The following DNMBP variants were observed in gnomAD, a reference collection of about 807,000 sequenced individuals.
DNMBP encodes the protein dynamin binding protein.
A neutral mutation model predicts 150.0 loss-of-function variants in DNMBP; 87 were observed. The ratio of observed to expected loss-of-function variants is 0.58; its 90% CI spans 0.49 to 0.69. DNMBP has a LOEUF of 0.69. Among genes scored for constraint, DNMBP ranks in the 30% least tolerant of loss-of-function variants. The pLI, the probability that DNMBP is intolerant of heterozygous loss-of-function variation, is 0.00. For missense variants in DNMBP, 1,774 were observed against 1,949.0 expected (o/e 0.91, Z 1.69); for synonymous variants, 711 against 750.4 (o/e 0.95, Z 0.86).
At chr10:100,004,202 G>T (rs1484741918) in intron 1 of DNMBP, among the ~76,000 whole-genome samples, 1 of 150,202 alleles carries the variant, frequency 6.7e-6, no homozygotes, top group Admixed American at 6.6e-5. Flanking sequence ...CCGTGATGGT[G>T]CCACTGCACT....
At chr10:99,952,657 C>G (rs1255626633) in intron 4 of DNMBP, among the ~76,000 whole-genome samples, 1 of 152,202 alleles carries the variant, frequency 6.6e-6, no homozygotes, top group Non-Finnish European at 1.5e-5. Flanking sequence ...CCTTAGAACT[C>G]TGCCCACATG....
chr10:99,886,179 C>G, intron 13 of DNMBP, 121 bp downstream of exon 13: 1 of 824,880 alleles, frequency 1.2e-6, no homozygotes, highest in Non-Finnish European at 1.9e-6. Context: ...GAGGGATGAA[C>G]TAGCGACACA....
intron 6 of DNMBP, among the ~76,000 whole-genome samples, chr10:99,903,939 T>C (rs756974206): frequency 1.3e-5 from 2 of 151,410 alleles, no homozygotes; most frequent in Non-Finnish European, 2.9e-5. Flanking sequence ...TTTTTTTCTG[T>C]AGAGACGGGG....
At chr10:99,935,216 GGGAGTT>G (rs1203467744) in intron 4 of DNMBP, among the ~76,000 whole-genome samples, 1 of 151,980 alleles carries the variant, frequency 6.6e-6, no homozygotes, top group African/African-American at 2.4e-5. Context: ...GAATTTATTT[GGGAGTT>G]GGAGTTGAAG....
chr10:99,879,973 C>T lies in DNMBP; in HGVS notation c.4386G>A (p.Thr1462=), dbSNP rs367752743. The T allele has an allele frequency of 3.7e-5, 59 of 1,614,064 alleles. 1 individual carries two copies. Among genetic ancestry groups the T allele is most frequent in the Admixed American group, 2.8e-4 (17 of 60,008 alleles). Reference sequence around the variant, plus strand: ...GCCTGAAGTTCCGGTAGCTCCTCGGCGTGGCAGTGGGTTGCTTTACATCTC... The same window carrying T: ...GCCTGAAGTTCCGGTAGCTCCTCGGTGTGGCAGTGGGTTGCTTTACATCTC... ...VARDVKQPTA[T]PRSYRNFRHP... is the part of the protein sequence containing the mutation. Residue 1462 remains threonine, a synonymous_variant, in exon 16 of 17, where the codon ACG becomes ACA. Transcript: ENST00000324109.
At chr10:99,995,757 C>G (rs1163373047) in intron 1 of DNMBP, among the ~76,000 whole-genome samples, 2 of 150,850 alleles carry the variant, frequency 1.3e-5, no homozygotes, top group Admixed American at 6.6e-5. Context: ...GACAAACAAT[C>G]TGGAAGAGCA....
In DNMBP at chr10:99,879,818, C is replaced by T; in HGVS notation, c.4541G>A (p.Gly1514Asp). Residue 1514 changes from glycine (G) to aspartate (D), a missense_variant, in exon 16 of 17, where the codon GGC (glycine) becomes GAC (aspartate). Gly to Asp is a moderately conservative substitution (Grantham distance 94). This residue lies in a region of DNMBP where 1,430 missense variants were observed against 1,492.5 expected (regional missense o/e 0.96). Transcript: ENST00000324109. Reference protein sequence around the residue: ...STEPDGSEAEGNQVYFAVYTF... With the variant: ...STEPDGSEAEDNQVYFAVYTF... Reference sequence around the variant, plus strand: ...GGCCTCTTACGCACTCACCTGGTTGCCTTCTGCCTCACTGCCATCTGGCTC... The same window carrying T: ...GGCCTCTTACGCACTCACCTGGTTGTCTTCTGCCTCACTGCCATCTGGCTC... The T allele has an allele frequency of 6.2e-7, 1 of 1,613,982 alleles. No homozygotes were observed. The highest frequency in any genetic ancestry group is 8.5e-7 in the Non-Finnish European group (1 of 1,179,854).
intron 2 of DNMBP, among the ~76,000 whole-genome samples, chr10:99,971,479 T>C (rs1167622553): frequency 3.3e-5 from 5 of 151,906 alleles, no homozygotes; most frequent in African/African-American, 9.7e-5. Flanking sequence ...GCTGGGATTA[T>C]AAGCATGACC....
At chr10:99,974,555 G>T (rs1589446049) in intron 1 of DNMBP, among the ~76,000 whole-genome samples, 1 of 151,998 alleles carries the variant, frequency 6.6e-6, no homozygotes, top group African/African-American at 2.4e-5. Context: ...GCCCAGGCTG[G>T]AGTGCAAAAA....
At chr10:99,929,666 G>C in intron 4 of DNMBP, 1 of 702,700 alleles carries the variant, frequency 1.4e-6, no homozygotes, top group African/African-American at 1.7e-5. Context: ...TGGGTGCTGT[G>C]CGGCGGAGGC....
intron 4 of DNMBP, chr10:99,930,290 C>A: frequency 1.4e-6 from 1 of 702,986 alleles, no homozygotes; most frequent in East Asian, 2.7e-5. Flanking sequence ...TACAGTCAGT[C>A]AACTGTTCAG....
At position 99,986,594 on chromosome 10, in the gene DNMBP, C is replaced by CAAAA. The variant is rs747726572; in HGVS notation, c.-10-14464_-10-14461dup. ...TGGGAGACAGAGCAAGACTCCGTCT[C>CAAAA]AAAAAAAAAAAAAAAAAAAAAAAAA... On this transcript the variant is annotated intron_variant, in intron 1 of 16. Coordinates refer to ENST00000324109, the MANE Select transcript of DNMBP (RefSeq NM_015221.4). Among the ~76,000 whole-genome samples, 210 of 74,110 alleles carry CAAAA rather than the reference C, an allele frequency of 2.8e-3. 16 individuals carry two copies. Among genetic ancestry groups the CAAAA allele is most frequent in the African/African-American group, 8.3e-3 (172 of 20,712 alleles). 48.6% of individuals were successfully genotyped at this position (74,110 alleles called of 152,430 possible).
chr10:99,934,820 C>T (rs1372018400), intron 4 of DNMBP, among the ~76,000 whole-genome samples: 7 of 126,038 alleles, frequency 5.6e-5, no homozygotes, highest in Non-Finnish European at 1.2e-4. Context: ...AGGAAGAGGC[C>T]GGGCACAGTG....
At chr10:99,971,368 T>C (rs1192705606) in intron 2 of DNMBP, among the ~76,000 whole-genome samples, 1 of 152,000 alleles carries the variant, frequency 6.6e-6, no homozygotes, top group Non-Finnish European at 1.5e-5. Context: ...CTACCTCCCA[T>C]CCTTTCTTAT....
At chr10:99,885,529 C>T (rs528271235) in intron 14 of DNMBP, among the ~76,000 whole-genome samples, 158 bp downstream of exon 14, 2 of 151,918 alleles carry the variant, frequency 1.3e-5, no homozygotes, top group South Asian at 4.2e-4. Flanking sequence ...AAAAAAATGG[C>T]GAATGCATGA....
intron 11 of DNMBP, among the ~76,000 whole-genome samples, chr10:99,890,535 T>C (rs1344680137): frequency 6.6e-6 from 1 of 152,162 alleles, no homozygotes; most frequent in East Asian, 1.9e-4. Flanking sequence ...TGTCACACTT[T>C]AGAAAACCTG....
intron 1 of DNMBP, among the ~76,000 whole-genome samples, chr10:99,999,846 G>A (rs1413112716): frequency 6.6e-6 from 1 of 152,142 alleles, no homozygotes; most frequent in African/African-American, 2.4e-5. Flanking sequence ...AGACTTGAGG[G>A]CCAGGCAGGC....
chr10:99,881,327 T>C (rs1748889035), intron 15 of DNMBP, among the ~76,000 whole-genome samples: 1 of 151,944 alleles, frequency 6.6e-6, no homozygotes, highest in African/African-American at 2.4e-5. Flanking sequence ...CTGGATATAC[T>C]GGAAGGATGT....
At chr10:99,969,298 C>T (rs2040652301) in intron 2 of DNMBP, 61 bp from the exon 3 acceptor site, 3 of 1,589,972 alleles carry the variant, frequency 1.9e-6, no homozygotes, top group Non-Finnish European at 2.6e-6. Flanking sequence ...CGTCTGTGTA[C>T]AAGGACAAAA....
Sources: gnomAD v4.1 joint callset for allele counts (sites outside exome capture counted in the v4.1 genomes callset) on GRCh38, gnomAD v4.1.1 for gene constraint, gnomAD v4.1.1 regional missense constraint, MANE v1.5 for transcripts, NCBI Gene and HGNC (gene_info 2026-07-23, HGNC 2026-07-21) for gene names.